The following RANBP17 variants were observed in gnomAD, a reference collection of about 807,000 sequenced individuals.
RANBP17 encodes RAN binding protein 17, also known as ran-binding protein 17.
In RANBP17, 158 loss-of-function variants were observed where a neutral mutation model predicts 141.2. That is an observed-to-expected ratio of 1.12 (90% CI 0.98 to 1.28). The LOEUF is 1.28. RANBP17 is among the 50% of genes most tolerant of loss of function. The pLI is 0.00. For synonymous variants in RANBP17, 430 were observed against 450.0 expected (o/e 0.96, Z 0.56); for missense variants, 1,438 against 1,290.7 (o/e 1.11, Z -1.75).
chr5:170,992,380 T>A (rs930708967), intron 14 of RANBP17, among the ~76,000 whole-genome samples: 1 of 152,016 alleles, frequency 6.6e-6, no homozygotes, highest in African/African-American at 2.4e-5. Context: ...CCAACATCCC[T>A]TCATTAGTTA....
chr5:171,196,769 CAA>C (rs1484319386), intron 18 of RANBP17, among the ~76,000 whole-genome samples: 3 of 152,116 alleles, frequency 2.0e-5, no homozygotes. Flanking sequence ...TGACTTTATC[CAA>C]AACCAGACAG....
At chr5:170,865,288 C>T (rs555622781) in intron 1 of RANBP17, among the ~76,000 whole-genome samples, 6 of 152,260 alleles carry the variant, frequency 3.9e-5, no homozygotes, top group Admixed American at 1.3e-4. Context: ...ACCTCGAATT[C>T]CTGACCTCAG....
chr5:171,231,936 G>A (rs1376578233), intron 22 of RANBP17, among the ~76,000 whole-genome samples: 1 of 151,952 alleles, frequency 6.6e-6, no homozygotes, highest in Non-Finnish European at 1.5e-5. Context: ...GCTACAAATA[G>A]CAAAATGCTT....
chr5:171,252,356 A>T (rs1339268133), intron 24 of RANBP17: 9 of 1,536,330 alleles, frequency 5.9e-6, no homozygotes, highest in Non-Finnish European at 7.2e-6. Context: ...ACATTAACTA[A>T]TGAAACCAGA....
At chr5:170,942,069 A>C (rs1209769411) in intron 12 of RANBP17, among the ~76,000 whole-genome samples, 1 of 152,142 alleles carries the variant, frequency 6.6e-6, no homozygotes, top group African/African-American at 2.4e-5. Flanking sequence ...GCGGCATTAG[A>C]TTCTCTCATA....
Position 170,868,329 on chromosome 5 carries a change from A to G in RANBP17, c.18+6278A>G, listed in dbSNP as rs374873069. ...AGTGGTGGGATCTTGGCTAGCTGCA[A>G]CCTCTGCCTCCTGGGCTTAAGAAAT... On this transcript the variant is annotated intron_variant, in intron 1 of 27. Coordinates refer to ENST00000523189, the MANE Select transcript of RANBP17 (RefSeq NM_022897.5). Among the ~76,000 whole-genome samples, 3 of 152,028 alleles carry G rather than the reference A, an allele frequency of 2.0e-5. No individual in the cohort carries two copies. In the East Asian group the frequency reaches 5.8e-4, roughly 29 times the overall value.
chr5:171,172,683 T>C (rs1476980734), intron 16 of RANBP17, among the ~76,000 whole-genome samples: 1 of 151,892 alleles, frequency 6.6e-6, no homozygotes, highest in African/African-American at 2.4e-5. Flanking sequence ...CCTCAGTTAT[T>C]TTATAGCATA....
intron 14 of RANBP17, among the ~76,000 whole-genome samples, chr5:171,148,921 G>A (rs1758278583): frequency 6.6e-6 from 1 of 152,136 alleles, no homozygotes; most frequent in South Asian, 2.1e-4. Context: ...CATAGTGCTT[G>A]CCCATAATGA....
At chr5:171,276,173 T>C (rs1010507589) in intron 25 of RANBP17, among the ~76,000 whole-genome samples, 8 of 152,242 alleles carry the variant, frequency 5.3e-5, no homozygotes, top group African/African-American at 1.9e-4. Context: ...TAAAGGGACT[T>C]GTAGATTAAT....
Position 170,916,522 on chromosome 5 carries a change from G to A in RANBP17, c.892G>A (p.Glu298Lys). The change falls in exon 9 of 28, where the codon GAA becomes AAA. Residue 298 changes from glutamate to lysine, a missense_variant. Glu to Lys is a moderately conservative substitution (Grantham distance 56, BLOSUM62 1). Coordinates refer to ENST00000523189, the MANE Select transcript of RANBP17 (RefSeq NM_022897.5). ...AAGAAGGTCCTTATTTAACAGTCCT[G>A]AACGTGCCAAGTACCTTGGTAATTT... is the stretch of plus-strand genomic sequence containing the variant. ...STRRSLFNSP[E>K]RAKYLGNLIK... 6.3e-7 allele frequency: 1 copy of A among 1,591,120 alleles called. No homozygotes were observed. Among genetic ancestry groups the A allele is most frequent in the Admixed American group, 1.7e-5 (1 of 58,290 alleles).
At chr5:170,917,896 A>G (rs1416196164) in intron 9 of RANBP17, among the ~76,000 whole-genome samples, 2 of 152,064 alleles carry the variant, frequency 1.3e-5, no homozygotes, top group Non-Finnish European at 2.9e-5. Flanking sequence ...TGATTACAAA[A>G]TTTTTTTGGT....
intron 14 of RANBP17, among the ~76,000 whole-genome samples, chr5:170,978,482 T>G (rs1176539537): frequency 6.6e-6 from 1 of 152,156 alleles, no homozygotes. Context: ...AATAAATTAA[T>G]GTATACTCAT....
At chr5:171,091,451 C>A (rs950538870) in intron 14 of RANBP17, among the ~76,000 whole-genome samples, 2 of 152,158 alleles carry the variant, frequency 1.3e-5, no homozygotes, top group Non-Finnish European at 2.9e-5. Flanking sequence ...AGGGTCTTGT[C>A]TCCTCTTGGA....
At chr5:171,098,857 C>T (rs991014833) in intron 14 of RANBP17, among the ~76,000 whole-genome samples, 18 of 150,232 alleles carry the variant, frequency 1.2e-4, no homozygotes, top group Admixed American at 6.0e-4. Flanking sequence ...TCTGCAACCC[C>T]GTTTCTTAAA....
chr5:170,991,942 CAG>C (rs1778537890), intron 14 of RANBP17, among the ~76,000 whole-genome samples: 1 of 151,938 alleles, frequency 6.6e-6, no homozygotes. Flanking sequence ...CAATTTATCA[CAG>C]ATTGATTTTT....
rs376342999 is a variant in RANBP17, at chr5:170,894,486, T to TATATATATATATATATATATA, written c.424-1564_424-1563insATATATATATATATATATATA. ...CCATAGAATAGTTAGTACGTGTTTT[T>TATATATATATATATATATATA]TATATATATATATATATATATGGCT... On this transcript the variant is annotated intron_variant, in intron 4 of 27. Transcript: ENST00000523189. Among the ~76,000 whole-genome samples the TATATATATATATATATATATA allele has an allele frequency of 4.2e-3, 554 of 133,212 alleles. 23 individuals carry two copies. Among genetic ancestry groups the TATATATATATATATATATATA allele is most frequent in the Middle Eastern group, 8.0e-3 (2 of 250 alleles). The allele number at this position is 133,212 out of a possible 152,430, so 87.4% of individuals were successfully genotyped here.
chr5:171,213,501 A>T (rs1763031600), intron 20 of RANBP17, 130 bp from the exon 21 acceptor site: 1 of 668,270 alleles, frequency 1.5e-6, no homozygotes, highest in Non-Finnish European at 2.6e-6. Context: ...TATAGTATAG[A>T]CATAGAACAA....
intron 14 of RANBP17, among the ~76,000 whole-genome samples, chr5:171,168,360 G>A (rs1759849026): frequency 6.6e-6 from 1 of 152,182 alleles, no homozygotes; most frequent in Non-Finnish European, 1.5e-5. Context: ...TGCATGAGAT[G>A]TCTCAGTGAT....
intron 18 of RANBP17, among the ~76,000 whole-genome samples, chr5:171,195,010 G>A (rs1163937417): frequency 1.3e-5 from 2 of 152,172 alleles, no homozygotes; most frequent in Non-Finnish European, 2.9e-5. Flanking sequence ...TATTCTCAGA[G>A]ACACAGCGGA....
Sources: allele counts gnomAD v4.1 joint callset (sites outside exome capture counted in the v4.1 genomes callset), GRCh38; gene constraint gnomAD v4.1.1; transcripts MANE v1.5; gene names NCBI Gene and HGNC (gene_info 2026-07-23, HGNC 2026-07-21).